Variants in CNIH3 observed in about 807,000 individuals in gnomAD.
CNIH3 encodes cornichon family AMPA receptor auxiliary protein 3, also known as protein cornichon homolog 3.
In CNIH3, 14 loss-of-function variants were observed where a neutral mutation model predicts 24.1. The ratio of observed to expected loss-of-function variants is 0.58; its 90% CI spans 0.38 to 0.91. The LOEUF (loss-of-function observed/expected upper bound fraction) is 0.91, where lower values mean the gene tolerates loss of function less well. CNIH3 is among the 40% of genes least tolerant of loss of function. The probability of loss-of-function intolerance (pLI) is 0.00; values close to 1 mark genes in which losing one functional copy is unlikely to be tolerated. For missense variants in CNIH3, 178 were observed against 196.8 expected (o/e 0.90, Z 0.57); for synonymous variants, 68 against 73.8 (o/e 0.92, Z 0.40).
chr1:224,728,226 G>A (rs992485069), intron 3 of CNIH3, among the ~76,000 whole-genome samples: 1 of 152,226 alleles, frequency 6.6e-6, no homozygotes. Flanking sequence ...GATGTGCATA[G>A]CAGAACTCAC....
At chr1:224,452,591 C>A (rs1244726401) in intron 1 of CNIH3, among the ~76,000 whole-genome samples, 2 of 149,652 alleles carry the variant, frequency 1.3e-5, no homozygotes, top group African/African-American at 2.5e-5. Flanking sequence ...ACCATCCTGG[C>A]TAACACGGTG....
chr1:224,545,144 A>G (rs1679655435), intron 2 of CNIH3, among the ~76,000 whole-genome samples: 1 of 152,230 alleles, frequency 6.6e-6, no homozygotes, highest in African/African-American at 2.4e-5. Context: ...ATGTATATGT[A>G]CAAACGTATG....
intron 3 of CNIH3, among the ~76,000 whole-genome samples, chr1:224,548,740 A>C (rs1679799549): frequency 6.6e-6 from 1 of 151,646 alleles, no homozygotes; most frequent in African/African-American, 2.4e-5. Context: ...TAAGGGAGAT[A>C]CTACTCTTAA....
intron 3 of CNIH3, among the ~76,000 whole-genome samples, chr1:224,554,241 T>A (rs917408222): frequency 3.3e-5 from 5 of 152,104 alleles, no homozygotes; most frequent in African/African-American, 1.2e-4. Context: ...TGAAGAAGCA[T>A]CTCCACCTTT....
At chr1:224,474,308 G>A (rs181807196) in intron 1 of CNIH3, among the ~76,000 whole-genome samples, 6 of 151,210 alleles carry the variant, frequency 4.0e-5, no homozygotes, top group Admixed American at 3.3e-4. Context: ...AGGTTGCGGT[G>A]AGCCGAGATT....
At chr1:224,489,055 A>C (rs1677141921) in intron 1 of CNIH3, among the ~76,000 whole-genome samples, 2 of 152,038 alleles carry the variant, frequency 1.3e-5, no homozygotes, top group Non-Finnish European at 2.9e-5. Context: ...TGAATATTGA[A>C]TAATTTTGAA....
chr1:224,701,869 T>G (rs10495227), intron 3 of CNIH3, among the ~76,000 whole-genome samples: 38,728 of 152,014 alleles, frequency 0.25, 5,216 homozygotes, highest in East Asian at 0.38. Context: ...TGCTATTTCA[T>G]TTTTCGTTAT....
rs371873154 is a variant in CNIH3 at position 224,549,660 on chromosome 1, C to T, written n.450+2721C>T. Among the ~76,000 whole-genome samples the T allele has an allele frequency of 7.2e-5, 11 of 151,958 alleles. No homozygotes were observed. The East Asian group carries it at 1.7e-3, about 24-fold the overall frequency. ...ACTGAATATTATAGAAATACCAGAG[C>T]GATGATATTTCACTAATACCACAGG... On this transcript the variant is annotated intron_variant and non_coding_transcript_variant, in intron 3 of 5. Coordinates refer to the CNIH3 transcript ENST00000471578.
intron 2 of CNIH3, among the ~76,000 whole-genome samples, chr1:224,523,809 T>C (rs1182750327): frequency 6.6e-6 from 1 of 152,210 alleles, no homozygotes; most frequent in Non-Finnish European, 1.5e-5. Flanking sequence ...ATCCCTGAGC[T>C]GCAGGGCAAG....
intron 3 of CNIH3, among the ~76,000 whole-genome samples, chr1:224,606,744 G>A (rs1257631900): frequency 2.6e-5 from 4 of 152,148 alleles, no homozygotes; most frequent in Non-Finnish European, 2.9e-5. Flanking sequence ...CATGGTCTTG[G>A]TGAGTTGATT....
At chr1:224,510,634 A>C (rs1678113663) in intron 1 of CNIH3, among the ~76,000 whole-genome samples, 1 of 151,732 alleles carries the variant, frequency 6.6e-6, no homozygotes, top group African/African-American at 2.4e-5. Flanking sequence ...AAAAAGAAAG[A>C]ACTAGAACCA....
At chr1:224,461,904 G>GT (rs1675926416) in intron 1 of CNIH3, among the ~76,000 whole-genome samples, 2 of 152,226 alleles carry the variant, frequency 1.3e-5, no homozygotes, top group South Asian at 2.1e-4. Flanking sequence ...ACAGTATATA[G>GT]TTTTTTGTGA....
At chr1:224,596,770 A>T (rs1354581718) in intron 3 of CNIH3, among the ~76,000 whole-genome samples, 6 of 152,234 alleles carry the variant, frequency 3.9e-5, no homozygotes, top group Admixed American at 3.3e-4. Flanking sequence ...TTCCCAAAGC[A>T]GCTTTGGAAC....
upstream of CNIH3, chr1:224,615,347 T>C (rs1217966285): frequency 2.0e-5 from 3 of 152,256 alleles, no homozygotes; most frequent in East Asian, 5.8e-4. Flanking sequence ...AAGTTCTCTC[T>C]GGAATGACTG....
intron 3 of CNIH3, among the ~76,000 whole-genome samples, chr1:224,726,772 C>G (rs897442191): frequency 6.6e-6 from 1 of 152,014 alleles, no homozygotes; most frequent in Non-Finnish European, 1.5e-5. Context: ...ATTTATGACT[C>G]TAGAAAGCAG....
chr1:224,552,485 G>T (rs1373335895), intron 3 of CNIH3, among the ~76,000 whole-genome samples: 1 of 150,548 alleles, frequency 6.6e-6, no homozygotes, highest in Non-Finnish European at 1.5e-5. Context: ...AATATCACAG[G>T]GTGTACACCC....
chr1:224,691,377 T>A (rs1686925305), intron 3 of CNIH3, among the ~76,000 whole-genome samples: 2 of 152,234 alleles, frequency 1.3e-5, no homozygotes, highest in African/African-American at 4.8e-5. Context: ...CCACTGATAC[T>A]TGGCTCTGCC....
chr1:224,556,358 G>T (rs1181248541), intron 3 of CNIH3, among the ~76,000 whole-genome samples: 1 of 152,074 alleles, frequency 6.6e-6, no homozygotes, highest in Non-Finnish European at 1.5e-5. Flanking sequence ...TCCATTTCTG[G>T]TTAGTAAAAT....
chr1:224,555,988 G>GT (rs1680122564), intron 3 of CNIH3, among the ~76,000 whole-genome samples: 1 of 152,202 alleles, frequency 6.6e-6, no homozygotes, highest in African/African-American at 2.4e-5. Context: ...GGCTGCTGGG[G>GT]TTTTTTACAG....
Sources: gnomAD v4.1 joint callset for allele counts (sites outside exome capture counted in the v4.1 genomes callset) on GRCh38, gnomAD v4.1.1 for gene constraint, MANE v1.5 for transcripts, NCBI Gene and HGNC (gene_info 2026-07-23, HGNC 2026-07-21) for gene names.